The following ANKS1B variants were observed in gnomAD, a reference collection of about 807,000 sequenced individuals.
The protein encoded by ANKS1B is ankyrin repeat and sterile alpha motif domain-containing protein 1B.
Under a neutral mutation model 148.3 loss-of-function variants are expected in ANKS1B, and 36 were observed. The observed-to-expected ratio is 0.24, with a 90% CI of 0.19 to 0.32. The LOEUF is 0.32. Among genes scored for constraint, ANKS1B ranks in the 10% least tolerant of loss-of-function variants. The pLI is 1.00. For missense variants in ANKS1B, 1,157 were observed against 1,542.6 expected (o/e 0.75, Z 4.19); for synonymous variants, 542 against 560.8 (o/e 0.97, Z 0.47).
At chr12:99,867,593 C>T (rs1232437617) in intron 1 of ANKS1B, among the ~76,000 whole-genome samples, 1 of 152,116 alleles carries the variant, frequency 6.6e-6, no homozygotes, top group African/African-American at 2.4e-5. Flanking sequence ...TCTCACAAGA[C>T]TTACTCACTA....
chr12:99,592,699 T>TAA (rs1426632917), intron 9 of ANKS1B, among the ~76,000 whole-genome samples: 1 of 152,082 alleles, frequency 6.6e-6, no homozygotes, highest in Non-Finnish European at 1.5e-5. Flanking sequence ...TGTCAAATAT[T>TAA]TGAAGAGATT....
At chr12:99,903,361 A>C (rs147162906) in intron 1 of ANKS1B, among the ~76,000 whole-genome samples, 332 of 152,272 alleles carry the variant, frequency 2.2e-3, no homozygotes, top group African/African-American at 7.6e-3. Context: ...TTCAAACTAG[A>C]AGCTGAAAGG....
rs200611530 is a variant in ANKS1B, at chr12:99,579,031, C to G, written c.1273-74390G>C. 5.3e-5 allele frequency among the ~76,000 whole-genome samples: 8 copies of G among 152,030 alleles called. No homozygotes were observed. In the East Asian group the frequency reaches 1.5e-3, roughly 29 times the overall value. Reference sequence around the variant, plus strand: ...GACCAACGGAACAGATTAAAAAACCCAGAAATAAAGCTGCACACCTAAAAC... The same window carrying G: ...GACCAACGGAACAGATTAAAAAACCGAGAAATAAAGCTGCACACCTAAAAC... On this transcript the variant is annotated intron_variant, in intron 9 of 26. Transcript: ENST00000683438.
intron 16 of ANKS1B, among the ~76,000 whole-genome samples, chr12:99,076,057 T>G (rs2047767838): frequency 6.6e-6 from 1 of 152,092 alleles, no homozygotes; most frequent in Non-Finnish European, 1.5e-5. Context: ...TACTCATTAC[T>G]GTAACCCTAG....
chr12:99,088,605 A>G (rs148865926), intron 15 of ANKS1B, among the ~76,000 whole-genome samples: 1 of 152,226 alleles, frequency 6.6e-6, no homozygotes, highest in Non-Finnish European at 1.5e-5. Context: ...AAAATTTCTT[A>G]TTAAAGGAAA....
intron 9 of ANKS1B, among the ~76,000 whole-genome samples, chr12:99,596,158 T>C (rs1054009575): frequency 2.0e-5 from 3 of 151,722 alleles, no homozygotes; most frequent in Non-Finnish European, 4.4e-5. Context: ...ATAAATTGAG[T>C]GGCTTAAAAA....
At chr12:99,035,720 A>G (rs2099955119) in intron 17 of ANKS1B, among the ~76,000 whole-genome samples, 1 of 152,198 alleles carries the variant, frequency 6.6e-6, no homozygotes. Context: ...GTCCAGGCAG[A>G]GGGAAGAGCA....
intron 14 of ANKS1B, among the ~76,000 whole-genome samples, chr12:99,235,482 A>G (rs1371285384): frequency 6.6e-6 from 1 of 152,198 alleles, no homozygotes; most frequent in Non-Finnish European, 1.5e-5. Flanking sequence ...TTACCTTCAC[A>G]TCAATCAAAG....
intron 17 of ANKS1B, among the ~76,000 whole-genome samples, chr12:98,955,799 T>A (rs983916995): frequency 2.6e-5 from 4 of 152,202 alleles, no homozygotes; most frequent in African/African-American, 9.7e-5. Flanking sequence ...ATTAGGAACT[T>A]AGCTTTGGCA....
chr12:99,715,141 AAT>A (rs1459003408), intron 8 of ANKS1B, among the ~76,000 whole-genome samples: 9 of 96,504 alleles, frequency 9.3e-5, no homozygotes, highest in Admixed American at 3.2e-4. Flanking sequence ...AATAAAAAAT[AAT>A]AAATAAATAA....
chr12:99,166,683 T>C (rs1345800405), intron 14 of ANKS1B, among the ~76,000 whole-genome samples: 1 of 152,056 alleles, frequency 6.6e-6, no homozygotes, highest in Non-Finnish European at 1.5e-5. Flanking sequence ...TATCTGTTCT[T>C]CCCAAATATA....
At position 99,904,607 on chromosome 12, in the gene ANKS1B, C is replaced by A. The variant is rs140456898; in HGVS notation, c.135-79218G>T. Among the ~76,000 whole-genome samples the A allele has an allele frequency of 2.2e-3, 335 of 152,338 alleles. 2 individuals carry two copies. Among genetic ancestry groups the A allele is most frequent in the Non-Finnish European group, 3.2e-3 (221 of 68,026 alleles). On this transcript the variant is annotated intron_variant, in intron 1 of 26. Transcript: ENST00000683438. ...CCTACTTGAGTGCCAACTCCCACTT[C>A]ACATATGCACTACAGTTAAGACTCA... is the stretch of plus-strand genomic sequence containing the variant.
chr12:98,871,116 C>T (rs1461310321), intron 17 of ANKS1B, among the ~76,000 whole-genome samples: 1 of 152,180 alleles, frequency 6.6e-6, no homozygotes, highest in East Asian at 1.9e-4. Flanking sequence ...TAATGGTCTA[C>T]ATTTTAACCT....
At chr12:99,113,246 A>G (rs1170291050) in intron 15 of ANKS1B, among the ~76,000 whole-genome samples, 3 of 152,120 alleles carry the variant, frequency 2.0e-5, no homozygotes, top group South Asian at 4.1e-4. Flanking sequence ...CGTGTCCTCA[A>G]TGAAACTCAG....
chr12:99,276,996 C>T (rs1426444180), intron 12 of ANKS1B, among the ~76,000 whole-genome samples: 4 of 152,128 alleles, frequency 2.6e-5, no homozygotes, highest in Admixed American at 2.6e-4. Context: ...GTCTACATTC[C>T]CCTTTCTTGC....
At chr12:99,341,883 C>G (rs1385638497) in intron 12 of ANKS1B, among the ~76,000 whole-genome samples, 1 of 152,084 alleles carries the variant, frequency 6.6e-6, no homozygotes, top group Non-Finnish European at 1.5e-5. Flanking sequence ...CTTTTAACTA[C>G]TACAATATTT....
intron 1 of ANKS1B, among the ~76,000 whole-genome samples, chr12:99,892,592 T>C (rs1318453288): frequency 6.6e-6 from 1 of 152,144 alleles, no homozygotes; most frequent in East Asian, 1.9e-4. Context: ...TAGGAATAGG[T>C]GGCATCAGGT....
chr12:98,786,308 A>G (rs2098794190), intron 22 of ANKS1B, among the ~76,000 whole-genome samples: 1 of 152,230 alleles, frequency 6.6e-6, no homozygotes, highest in Non-Finnish European at 1.5e-5. Context: ...TCTTCTCTTT[A>G]AGCACTTGAG....
intron 17 of ANKS1B, among the ~76,000 whole-genome samples, chr12:98,946,798 G>A (rs979395413): frequency 2.6e-5 from 4 of 151,654 alleles, no homozygotes; most frequent in South Asian, 2.1e-4. Context: ...AGAAAGTACA[G>A]GCATGGTGGC....
Sources: gnomAD v4.1 joint callset for allele counts (sites outside exome capture counted in the v4.1 genomes callset) on GRCh38, gnomAD v4.1.1 for gene constraint, MANE v1.5 for transcripts, NCBI Gene and HGNC (gene_info 2026-07-23, HGNC 2026-07-21) for gene names.